Variants in ASCC3 observed in about 807,000 individuals in gnomAD.
ASCC3 encodes the protein ASC-1 complex subunit P200.
Under a neutral mutation model 256.3 loss-of-function variants are expected in ASCC3, and 158 were observed. The ratio of observed to expected loss-of-function variants is 0.62; its 90% CI spans 0.54 to 0.70. The LOEUF (loss-of-function observed/expected upper bound fraction) is 0.70. Among genes scored for constraint, ASCC3 ranks in the 30% least tolerant of loss-of-function variants. The pLI, the probability that ASCC3 is intolerant of heterozygous loss-of-function variation, is 0.00. For missense variants in ASCC3, 2,259 were observed against 2,626.0 expected (o/e 0.86, Z 3.05); for synonymous variants, 948 against 883.4 (o/e 1.07, Z -1.30).
intron 30 of ASCC3, among the ~76,000 whole-genome samples, chr6:100,616,387 A>C (rs1334081756): frequency 1.3e-5 from 2 of 152,228 alleles, no homozygotes; most frequent in East Asian, 3.8e-4. Flanking sequence ...CTTCCTATGC[A>C]CCTGCATTAC....
chr6:100,630,489 T>G (rs1031149331), intron 26 of ASCC3, among the ~76,000 whole-genome samples: 8 of 151,542 alleles, frequency 5.3e-5, no homozygotes, highest in African/African-American at 1.9e-4. Flanking sequence ...TTTGTTTTTT[T>G]TTTTTACATT....
intron 15 of ASCC3, 40 bp downstream of exon 15, chr6:100,662,299 TTAAGAC>T: frequency 1.3e-6 from 2 of 1,587,406 alleles, no homozygotes; most frequent in Non-Finnish European, 1.7e-6. Flanking sequence ...GAGCCTTGCT[TTAAGAC>T]ACACACAAAA....
intron 10 of ASCC3, among the ~76,000 whole-genome samples, chr6:100,759,811 T>C (rs1048918296): frequency 6.6e-6 from 1 of 152,226 alleles, no homozygotes; most frequent in African/African-American, 2.4e-5. Context: ...TTCCATTTGT[T>C]TGTGTCCTCT....
At chr6:100,702,654 G>A (rs1778407105) in intron 13 of ASCC3, among the ~76,000 whole-genome samples, 1 of 152,078 alleles carries the variant, frequency 6.6e-6, no homozygotes, top group African/African-American at 2.4e-5. Context: ...AATGAGGAAT[G>A]GGCAAAGAGA....
rs532952787 is a variant in ASCC3, at chr6:100,734,442, C to T, written c.1738-8739G>A. The stretch of plus-strand genomic sequence containing the variant: ...ATTATAAAAAGACTATAACATCAGA[C>T]TGAGTAGTCTGAGTACCTGCCATGG... On this transcript the variant is annotated intron_variant, in intron 10 of 41. Coordinates refer to ENST00000369162, the MANE Select transcript of ASCC3 (RefSeq NM_006828.4). Among the ~76,000 whole-genome samples the T allele has an allele frequency of 2.0e-5, 3 of 152,184 alleles. No homozygotes were observed. In the South Asian group the frequency reaches 6.2e-4, roughly 32 times the overall value.
At chr6:100,553,269 C>T (rs1006471714) in intron 36 of ASCC3, among the ~76,000 whole-genome samples, 1 of 152,064 alleles carries the variant, frequency 6.6e-6, no homozygotes, top group Non-Finnish European at 1.5e-5. Context: ...TCCTTTCTAG[C>T]CACTGCTTCC....
intron 37 of ASCC3, among the ~76,000 whole-genome samples, chr6:100,519,564 A>T (rs966824036): frequency 6.6e-6 from 1 of 152,110 alleles, no homozygotes; most frequent in Non-Finnish European, 1.5e-5. Flanking sequence ...ACAAGTCACA[A>T]CTCTTAAGTC....
At chr6:100,621,195 A>G (rs905314887) in intron 30 of ASCC3, among the ~76,000 whole-genome samples, 3 of 152,174 alleles carry the variant, frequency 2.0e-5, no homozygotes, top group African/African-American at 4.8e-5. Context: ...GCATGGATGG[A>G]GCTGGAAGCT....
chr6:100,642,610 A>G lies in ASCC3; in HGVS notation c.3872T>C (p.Ile1291Thr). Residue 1291 changes from isoleucine to threonine, a missense_variant, in exon 24 of 42, where the codon ATT (isoleucine) becomes ACT (threonine). By Grantham distance (89) the Ile-to-Thr change is moderately conservative. This residue lies in a region of ASCC3 where 1,839 missense variants were observed against 2,206.7 expected (regional missense o/e 0.83). Coordinates refer to ENST00000369162, the MANE Select transcript of ASCC3 (RefSeq NM_006828.4). ...ATGAGGAGGATGTCTCTCTGGTAGA[A>G]TTAGATGTTGAAAGTTGATAATACA... Reference protein sequence around the residue: ...AVCIINFQHLILPERHPPHTE... With the variant: ...AVCIINFQHLTLPERHPPHTE... 1 of 1,613,972 alleles carries G rather than the reference A, an allele frequency of 6.2e-7. No individual in the cohort carries two copies.
chr6:100,715,016 A>T (rs1779025255), intron 13 of ASCC3: 1 of 153,620 alleles, frequency 6.5e-6, no homozygotes, highest in South Asian at 2.0e-4. Flanking sequence ...AGAACCGTGA[A>T]CAATTGGGAA....
intron 37 of ASCC3, among the ~76,000 whole-genome samples, chr6:100,523,317 A>C (rs1774399665): frequency 6.6e-6 from 1 of 152,082 alleles, no homozygotes; most frequent in Non-Finnish European, 1.5e-5. Flanking sequence ...TAAAATGCCA[A>C]CATACTCATA....
intron 3 of ASCC3, chr6:100,859,332 A>G (rs1773112755): frequency 2.7e-6 from 2 of 729,746 alleles, no homozygotes; most frequent in Non-Finnish European, 5.1e-6. Context: ...TGTATTTTGC[A>G]GTTTTTCTAG....
At chr6:100,586,829 G>A (rs1771717766) in intron 36 of ASCC3, among the ~76,000 whole-genome samples, 1 of 152,064 alleles carries the variant, frequency 6.6e-6, no homozygotes, top group Non-Finnish European at 1.5e-5. Flanking sequence ...GTAATGGGTA[G>A]CTTAAGAAAT....
At chr6:100,797,198 TCA>T (rs1769661584) in intron 8 of ASCC3, among the ~76,000 whole-genome samples, 2 of 152,002 alleles carry the variant, frequency 1.3e-5, no homozygotes, top group African/African-American at 4.8e-5. Context: ...GCCTGTAATC[TCA>T]GCACTTTGGG....
At position 100,746,050 on chromosome 6, in the gene ASCC3, T is replaced by C. The variant is rs1007223668; in HGVS notation, c.1738-20347A>G. On this transcript the variant is annotated intron_variant, in intron 10 of 41. Coordinates refer to ENST00000369162, the MANE Select transcript of ASCC3 (RefSeq NM_006828.4). Reference sequence around the variant, plus strand: ...TTTCTTAAAAGATAGCTAATACTTATTGAAAACTTATTGTGTGCCAAGAAC... The same window carrying C: ...TTTCTTAAAAGATAGCTAATACTTACTGAAAACTTATTGTGTGCCAAGAAC... Among the ~76,000 whole-genome samples the C allele has an allele frequency of 5.3e-5, 8 of 150,332 alleles. No individual in the cohort carries two copies. The East Asian group carries it at 1.6e-3, about 29-fold the overall frequency.
At chr6:100,650,467 G>C (rs1775605653) in intron 20 of ASCC3, 71 bp downstream of exon 20, 1 of 1,456,132 alleles carries the variant, frequency 6.9e-7, no homozygotes, top group Admixed American at 1.7e-5. Flanking sequence ...TCATAGCACA[G>C]CATGAATTAA....
chr6:100,688,826 A>C (rs567920091), intron 13 of ASCC3, among the ~76,000 whole-genome samples: 4 of 152,328 alleles, frequency 2.6e-5, no homozygotes, highest in Admixed American at 2.6e-4. Context: ...TGATGAACAC[A>C]GAAGCCACCA....
Position 100,638,814 on chromosome 6 carries a change from C to T in ASCC3, c.3909G>A (p.Leu1303=). Residue 1303 remains leucine, a synonymous_variant, in exon 25 of 42, where the codon CTG becomes CTA. Transcript: ENST00000369162. ...CTGTGATTGGTAAAGGCTGAAGATC[C>T]AGTAATTCTGAAAAGACCCAACAGG... is the stretch of plus-strand genomic sequence containing the variant. The part of the protein sequence containing the change: ...PERHPPHTEL[L]DLQPLPITAL... The T allele has an allele frequency of 6.2e-7, 1 of 1,614,010 alleles. No homozygotes were observed. The highest frequency in any genetic ancestry group is 8.5e-7 in the Non-Finnish European group (1 of 1,179,950).
At chr6:100,544,545 C>T (rs1775616224) in intron 36 of ASCC3, among the ~76,000 whole-genome samples, 1 of 151,790 alleles carries the variant, frequency 6.6e-6, no homozygotes, top group African/African-American at 2.4e-5. Context: ...AGCTTTATGC[C>T]TTTACCTGTA....
Sources: gnomAD v4.1 joint callset for allele counts (sites outside exome capture counted in the v4.1 genomes callset) on GRCh38, gnomAD v4.1.1 for gene constraint, gnomAD v4.1.1 regional missense constraint, MANE v1.5 for transcripts, NCBI Gene and HGNC (gene_info 2026-07-23, HGNC 2026-07-21) for gene names.